BCCIP: variants seen among roughly 807,000 people sequenced by gnomAD.
BCCIP encodes BRCA2 and CDKN1A-interacting protein.
Under a neutral mutation model 32.8 loss-of-function variants are expected in BCCIP, and 23 were observed. The observed-to-expected ratio is 0.70, with a 90% CI of 0.51 to 0.99. The LOEUF is 0.99. BCCIP is among the 50% of genes least tolerant of loss of function. BCCIP has a pLI of 0.00. For synonymous variants in BCCIP, 144 were observed against 137.6 expected (o/e 1.05, Z -0.33); for missense variants, 378 against 379.8 (o/e 1.00, Z 0.04).
rs1400435636 is a variant in BCCIP at position 125,836,178 on chromosome 10, T to C, written c.849T>C (p.Asp283=). 6.2e-7 allele frequency: 1 copy of C among 1,614,238 alleles called. No individual in the cohort carries two copies. The highest frequency in any genetic ancestry group is 8.5e-7 in the Non-Finnish European group (1 of 1,180,036). ...GTCTGGGAGGCAAATGGTCTTTTGA[T>C]GACGTACCAATGACGCCCTTGCGAA... ...DTCLGGKWSF[D]DVPMTPLRTV... The change falls in exon 7 of 7, where the codon GAT becomes GAC. Residue 283 remains aspartate, a synonymous_variant. Transcript: ENST00000278100.
At chr10:125,841,250 G>A (rs1854870695), downstream of BCCIP, 4 of 1,612,322 alleles carry the variant, frequency 2.5e-6, no homozygotes, top group Non-Finnish European at 8.5e-7. Context: ...CTTCTATTCC[G>A]GCAGGAGCAG....
At chr10:125,833,450 C>T (rs1023859088) in intron 5 of BCCIP, among the ~76,000 whole-genome samples, 10 of 152,098 alleles carry the variant, frequency 6.6e-5, no homozygotes, top group Admixed American at 6.5e-4. Flanking sequence ...AATTCAGATT[C>T]GTATATATTT....
intron 7 of BCCIP, among the ~76,000 whole-genome samples, chr10:125,850,354 CT>C (rs765077777): frequency 3.4e-3 from 421 of 124,558 alleles, no homozygotes; most frequent in African/African-American, 8.7e-3. Flanking sequence ...TTCTTTCTTT[CT>C]TTTTTTTTTT....
At position 125,836,268 on chromosome 10, in the gene BCCIP, T is replaced by G; in HGVS notation, c.939T>G (p.Ser313=). The change falls in exon 7 of 7, where the codon TCT becomes TCG. Residue 313 remains serine, a synonymous_variant. Coordinates refer to ENST00000278100, the MANE Select transcript of BCCIP (RefSeq NM_078468.3). ...TGGATAAACTGAAAGAATATCTATC[T>G]GTCTAACCCATTTCCAATGGACAGT... The part of the protein sequence containing the change: ...EIMDKLKEYL[S]V The G allele has an allele frequency of 6.2e-7, 1 of 1,614,246 alleles. No individual in the cohort carries two copies. Among genetic ancestry groups the G allele is most frequent in the Non-Finnish European group, 8.5e-7 (1 of 1,180,032 alleles).
At chr10:125,842,277 C>A in exon 7 of BCCIP, 1 of 244,506 alleles carries the variant, frequency 4.1e-6, no homozygotes, top group Non-Finnish European at 7.8e-6. Context: ...GGTCACAGTA[C>A]TGGAGAGAGA....
chr10:125,853,232 G>T, exon 8 of BCCIP: 1 of 1,606,124 alleles, frequency 6.2e-7, no homozygotes, highest in Non-Finnish European at 8.5e-7. Flanking sequence ...TGTTGGAATT[G>T]CTCTGTCATA....
At chr10:125,846,151 C>T (rs377648630), downstream of BCCIP, among the ~76,000 whole-genome samples, 24 of 152,326 alleles carry the variant, frequency 1.6e-4, no homozygotes, top group East Asian at 2.1e-3. Context: ...AGTTCTGCCA[C>T]TTCACAAATT....
At chr10:125,834,958 C>T (rs1007519419) in intron 6 of BCCIP, among the ~76,000 whole-genome samples, 2 of 151,066 alleles carry the variant, frequency 1.3e-5, no homozygotes, top group South Asian at 2.1e-4. Context: ...TGGTGAAACC[C>T]CGTCTCTACT....
exon 7 of BCCIP, chr10:125,842,706 A>C: frequency 2.3e-5 from 10 of 443,870 alleles, no homozygotes; most frequent in Non-Finnish European, 3.0e-5. Flanking sequence ...TGCATAATAC[A>C]GAGAAAAATT....
chr10:125,840,846 C>T (rs776427658), downstream of BCCIP: 7 of 1,583,130 alleles, frequency 4.4e-6, no homozygotes, highest in East Asian at 1.1e-4. Flanking sequence ...CATTCACTTA[C>T]ACTCACTGCT....
chr10:125,829,446 G>C (rs1404729760), intron 3 of BCCIP, among the ~76,000 whole-genome samples: 1 of 152,180 alleles, frequency 6.6e-6, no homozygotes, highest in African/African-American at 2.4e-5. Flanking sequence ...ATCACCTTCA[G>C]AGCCAAAATT....
At chr10:125,835,368 C>T (rs1258412475) in intron 6 of BCCIP, among the ~76,000 whole-genome samples, 1 of 152,036 alleles carries the variant, frequency 6.6e-6, no homozygotes, top group Non-Finnish European at 1.5e-5. Flanking sequence ...ATCACGAGGT[C>T]AGGAGATCAG....
chr10:125,835,382 A>C (rs978123412), intron 6 of BCCIP, among the ~76,000 whole-genome samples: 1 of 152,200 alleles, frequency 6.6e-6, no homozygotes, highest in Non-Finnish European at 1.5e-5. Flanking sequence ...AGATCAGACC[A>C]TCCTGGCTAA....
In BCCIP at chr10:125,835,308, C is replaced by CAT. The variant is rs1564820192; in HGVS notation, c.775-796_775-795insAT. Among the ~76,000 whole-genome samples the CAT allele has an allele frequency of 3.2e-3, 489 of 152,028 alleles. 5 individuals are homozygous for CAT. Among genetic ancestry groups the CAT allele is most frequent in the African/African-American group, 0.011 (455 of 41,474 alleles). ...ATTTTTAAAAAACATAGGCCGGGTG[C>CAT]GGTGGCTCATGCCTGTAATCCCAGC... is the stretch of plus-strand genomic sequence containing the variant. On this transcript the variant is annotated intron_variant, in intron 6 of 6. Coordinates refer to ENST00000278100, the MANE Select transcript of BCCIP (RefSeq NM_078468.3).
downstream of BCCIP, among the ~76,000 whole-genome samples, chr10:125,845,667 A>T (rs2134034113): frequency 6.6e-6 from 1 of 152,334 alleles, no homozygotes; most frequent in Admixed American, 6.5e-5. Flanking sequence ...GTTGGAAAGG[A>T]TGTTAGAGAT....
At chr10:125,847,472 G>A (rs1944036757), downstream of BCCIP, among the ~76,000 whole-genome samples, 1 of 152,096 alleles carries the variant, frequency 6.6e-6, no homozygotes, top group African/African-American at 2.4e-5. Context: ...ACGTAGCATA[G>A]GGAAGAACAA....
chr10:125,836,228 A>G lies in BCCIP; in HGVS notation c.899A>G (p.Lys300Arg). 3.7e-6 allele frequency: 6 copies of G among 1,614,250 alleles called. No individual in the cohort carries two copies. Among genetic ancestry groups the G allele is most frequent in the Non-Finnish European group, 5.1e-6 (6 of 1,180,036 alleles). ...LRTVMLIPGD[K>R]MNEIMDKLKE... Reference sequence around the variant, plus strand: ...ACTGTGATGTTAATTCCAGGCGACAAGATGAACGAAATCATGGATAAACTG... The same window carrying G: ...ACTGTGATGTTAATTCCAGGCGACAGGATGAACGAAATCATGGATAAACTG... The change falls in exon 7 of 7, where the codon AAG (lysine) becomes AGG (arginine). Residue 300 changes from lysine (K) to arginine (R), a missense_variant. Coordinates refer to ENST00000278100, the MANE Select transcript of BCCIP (RefSeq NM_078468.3).
intron 1 of BCCIP, 93 bp downstream of exon 1, chr10:125,823,815 A>G: frequency 6.6e-7 from 1 of 1,522,436 alleles, no homozygotes; most frequent in Non-Finnish European, 8.8e-7. Flanking sequence ...GTCTTCCCTG[A>G]CCCTGAGGGT....
downstream of BCCIP, among the ~76,000 whole-genome samples, chr10:125,837,963 T>C (rs974297061): frequency 5.9e-5 from 9 of 152,212 alleles, no homozygotes; most frequent in Non-Finnish European, 1.0e-4. Context: ...CATTCTGTCC[T>C]TCTTAAAGAC....
Sources: allele counts gnomAD v4.1 joint callset (sites outside exome capture counted in the v4.1 genomes callset), GRCh38; gene constraint gnomAD v4.1.1; transcripts MANE v1.5; gene names NCBI Gene and HGNC (gene_info 2026-07-23, HGNC 2026-07-21).